KIAA1217: variants seen among roughly 807,000 people sequenced by gnomAD.
KIAA1217 encodes sickle tail protein homolog.
In KIAA1217, 88 loss-of-function variants were observed where a neutral mutation model predicts 163.9. The ratio of observed to expected loss-of-function variants is 0.54; its 90% CI spans 0.45 to 0.64. KIAA1217 has a LOEUF of 0.64. Ranked by LOEUF, KIAA1217 falls within the 30% of genes least tolerant of loss-of-function variation. The pLI is 0.00. For synonymous variants in KIAA1217, 903 were observed against 923.1 expected, an observed-to-expected ratio of 0.98 and a Z score of 0.39; for missense variants, 2,372 against 2,475.0, an observed-to-expected ratio of 0.96 and a Z score of 0.88.
At chr10:23,823,922 A>C (rs1193557438) in intron 1 of KIAA1217, among the ~76,000 whole-genome samples, 1 of 151,780 alleles carries the variant, frequency 6.6e-6, no homozygotes, top group Non-Finnish European at 1.5e-5. Flanking sequence ...GGGAGGAAGA[A>C]GAGAGGGGGG....
chr10:23,986,820 C>T (rs1456166519), intron 1 of KIAA1217, among the ~76,000 whole-genome samples: 1 of 152,162 alleles, frequency 6.6e-6, no homozygotes, highest in African/African-American at 2.4e-5. Context: ...ATGTAATGTC[C>T]TTTTACTCCT....
chr10:23,781,537 C>T (rs896068163), intron 1 of KIAA1217, among the ~76,000 whole-genome samples: 2 of 152,134 alleles, frequency 1.3e-5, no homozygotes, highest in Non-Finnish European at 2.9e-5. Flanking sequence ...CTGTAGGCAA[C>T]GTTTTGAATT....
At chr10:24,352,361 T>C (rs1430187213) in intron 2 of KIAA1217, among the ~76,000 whole-genome samples, 1 of 152,224 alleles carries the variant, frequency 6.6e-6, no homozygotes, top group Non-Finnish European at 1.5e-5. Flanking sequence ...TGCATGGATG[T>C]GCAATTAATT....
chr10:24,132,898 A>G (rs1357736556), intron 2 of KIAA1217, among the ~76,000 whole-genome samples: 4 of 152,202 alleles, frequency 2.6e-5, no homozygotes, highest in South Asian at 4.1e-4. Context: ...TGGAGCTGGA[A>G]GAGGGTAGAT....
chr10:24,196,020 A>G (rs974329852), intron 2 of KIAA1217, among the ~76,000 whole-genome samples: 1 of 151,662 alleles, frequency 6.6e-6, no homozygotes, highest in Non-Finnish European at 1.5e-5. Flanking sequence ...CTGTAGTTCC[A>G]GCTAGTGGGA....
chr10:23,987,433 C>T (rs1221024624), intron 1 of KIAA1217, among the ~76,000 whole-genome samples: 3 of 147,614 alleles, frequency 2.0e-5, no homozygotes, highest in Admixed American at 6.7e-5. Flanking sequence ...AAAAACCCAT[C>T]ATTTTTATTT....
intron 1 of KIAA1217, among the ~76,000 whole-genome samples, chr10:23,779,115 A>G (rs993810114): frequency 3.9e-5 from 6 of 152,052 alleles, no homozygotes; most frequent in African/African-American, 1.4e-4. Flanking sequence ...CTGGTTTTGG[A>G]CCAGAAAGAT....
chr10:23,895,132 T>C (rs1432600378), intron 1 of KIAA1217, among the ~76,000 whole-genome samples: 6 of 151,880 alleles, frequency 4.0e-5, no homozygotes, highest in Non-Finnish European at 8.8e-5. Context: ...AAAGACAAAA[T>C]TGACAAATGG....
upstream of KIAA1217, among the ~76,000 whole-genome samples, chr10:24,207,319 C>G (rs951939492): frequency 6.8e-6 from 1 of 147,682 alleles, no homozygotes. Context: ...CACACACATA[C>G]TTTTCTCCCA....
intron 2 of KIAA1217, chr10:24,158,365 G>A (rs541822729): frequency 1.8e-5 from 12 of 650,566 alleles, no homozygotes; most frequent in African/African-American, 1.2e-4. Context: ...GACTGTGTTC[G>A]GGTTTTCTCA....
intron 1 of KIAA1217, among the ~76,000 whole-genome samples, chr10:23,846,948 A>T (rs11013750): frequency 0.35 from 52,767 of 151,534 alleles, 13,516 homozygotes; most frequent in African/African-American, 0.73. Context: ...GCATGAAGGG[A>T]TGTTGAATTT....
chr10:24,059,775 C>CA (rs1293265324), intron 2 of KIAA1217, among the ~76,000 whole-genome samples: 3 of 152,150 alleles, frequency 2.0e-5, no homozygotes, highest in Non-Finnish European at 4.4e-5. Flanking sequence ...GATGGGGTTT[C>CA]ACCATGGTCT....
chr10:24,177,290 T>A lies in KIAA1217; in HGVS notation c.-170-42336T>A, dbSNP rs1483217585. Among the ~76,000 whole-genome samples the A allele has an allele frequency of 4.5e-4, 37 of 81,396 alleles. 1 individual carries two copies. The highest frequency in any genetic ancestry group is 1.8e-3 in the Admixed American group (15 of 8,462). The allele number at this position is 81,396 out of a possible 152,430, so 53.4% of individuals were successfully genotyped here. On this transcript the variant is annotated intron_variant, in intron 2 of 18. Transcript: ENST00000376462. ...ATATATATATATATATATATATATA[T>A]ATATATATTACAATTTCTTTGTCAT...
Position 23,769,915 on chromosome 10 carries a change from G to A in KIAA1217, c.-321+74681G>A, listed in dbSNP as rs528602074. On this transcript the variant is annotated intron_variant, in intron 1 of 18. Transcript: ENST00000376462. Reference sequence around the variant, plus strand: ...GGCTCTATTCAGAACCCTAGACCACGTTTGGCTTTGACATAGGCAATCAGC... The same window carrying A: ...GGCTCTATTCAGAACCCTAGACCACATTTGGCTTTGACATAGGCAATCAGC... 9.2e-5 allele frequency among the ~76,000 whole-genome samples: 14 copies of A among 152,304 alleles called. No individual in the cohort carries two copies. In the South Asian group the frequency reaches 2.1e-3, roughly 23 times the overall value.
At chr10:24,304,303 CA>C in intron 2 of KIAA1217, among the ~76,000 whole-genome samples, 1 of 149,736 alleles carries the variant, frequency 6.7e-6, no homozygotes, top group African/African-American at 2.5e-5. Flanking sequence ...TTTCACTTGA[CA>C]TTTTGTTTTA....
intron 1 of KIAA1217, among the ~76,000 whole-genome samples, chr10:23,814,937 G>A (rs1429032031): frequency 2.0e-5 from 3 of 152,118 alleles, no homozygotes; most frequent in African/African-American, 7.2e-5. Context: ...TATCAATTAA[G>A]TGACCTTTCC....
At position 23,945,402 on chromosome 10, in the gene KIAA1217, G is replaced by A. The variant is rs549691593; in HGVS notation, c.-320-61823G>A. On this transcript the variant is annotated intron_variant, in intron 1 of 18. Transcript: ENST00000376462. ...TACTGTATTATTCCATTAATATGAA[G>A]TTCAAAAAGAGAGAAAACTAATTTA... 3.9e-5 allele frequency among the ~76,000 whole-genome samples: 6 copies of A among 152,276 alleles called. No homozygotes were observed. In the South Asian group the frequency reaches 1.2e-3, roughly 32 times the overall value.
chr10:23,871,098 G>T (rs1433770984), intron 1 of KIAA1217, among the ~76,000 whole-genome samples: 2 of 151,624 alleles, frequency 1.3e-5, no homozygotes, highest in Non-Finnish European at 2.9e-5. Flanking sequence ...AAACTCATAG[G>T]AATGAATGTG....
rs1278335671 is a variant in KIAA1217, at chr10:24,531,942, G to A, written c.3195G>A (p.Thr1065=). The A allele has an allele frequency of 1.9e-6, 3 of 1,609,386 alleles. No homozygotes were observed. Among genetic ancestry groups the A allele is most frequent in the Non-Finnish European group, 2.5e-6 (3 of 1,177,226 alleles). ...SYLPGSGLTT[T]RSGDVVYTGR... is the part of the protein sequence containing the mutation. ...TGCCAGGATCGGGACTCACCACCAC[G>A]AGGTCAGGCGATGTGGTCTACACCG... Residue 1065 remains threonine (T), a synonymous_variant, in exon 15 of 21, where the codon ACG becomes ACA. Coordinates refer to ENST00000376454, the MANE Select transcript of KIAA1217 (RefSeq NM_019590.5).
Sources: allele counts gnomAD v4.1 joint callset (sites outside exome capture counted in the v4.1 genomes callset), GRCh38; gene constraint gnomAD v4.1.1; transcripts MANE v1.5; gene names NCBI Gene and HGNC (gene_info 2026-07-23, HGNC 2026-07-21).